The following RTL4 variants were observed in gnomAD, a reference collection of about 807,000 sequenced individuals.
RTL4 encodes the protein retrotransposon Gag like 4, also known as retrotransposon Gag-like protein 4.
A neutral mutation model predicts 5.3 loss-of-function variants in RTL4; 4 were observed. That is an observed-to-expected ratio of 0.75 (90% CI 0.37 to 1.72). RTL4 has a LOEUF of 1.72. RTL4 is among the 40% of genes most tolerant of loss of function. The pLI is 0.04. For missense variants in RTL4, 260 were observed against 227.1 expected (o/e 1.14, Z -0.93); for synonymous variants, 98 against 87.3 (o/e 1.12, Z -0.68).
chrX:112,404,566 G>A, the RTL4 span, among the ~76,000 whole-genome samples: 4 of 112,492 alleles, frequency 3.6e-5, no homozygotes, highest in Middle Eastern at 4.6e-3. Context: ...AAGCCAGCTA[G>A]AAGATTTGAA....
At chrX:112,430,803 C>T in the RTL4 span, among the ~76,000 whole-genome samples, 57 of 111,810 alleles carry the variant, frequency 5.1e-4, no homozygotes, top group African/African-American at 1.6e-3. Flanking sequence ...ATGTTGCCCA[C>T]GCTCTTCTAG....
the RTL4 span, among the ~76,000 whole-genome samples, chrX:112,333,857 T>C: frequency 1.8e-5 from 2 of 111,485 alleles, no homozygotes; most frequent in Non-Finnish European, 1.9e-5. Context: ...TTATTGGCTA[T>C]AGTCACTCTA....
the RTL4 span, among the ~76,000 whole-genome samples, chrX:112,175,995 A>C: frequency 9.0e-6 from 1 of 110,724 alleles, no homozygotes; most frequent in Admixed American, 9.6e-5. Flanking sequence ...GTCTCAGCCC[A>C]AAATCTCCTT....
chrX:112,182,696 T>G, the RTL4 span, among the ~76,000 whole-genome samples: 1 of 112,349 alleles, frequency 8.9e-6, no homozygotes, highest in South Asian at 3.7e-4. Context: ...ATTTGATTGG[T>G]ATACCTGAAA....
chrX:112,348,807 G>A, the RTL4 span, among the ~76,000 whole-genome samples: 1 of 110,176 alleles, frequency 9.1e-6, no homozygotes, highest in Non-Finnish European at 1.9e-5. Flanking sequence ...CAAAGTCAAT[G>A]TCCTGAATAA....
At chrX:112,233,842 T>C in the RTL4 span, among the ~76,000 whole-genome samples, 1 of 111,686 alleles carries the variant, frequency 9.0e-6, no homozygotes, top group Admixed American at 9.6e-5. Context: ...AAGTACCAAT[T>C]CCCTGTCTGT....
the RTL4 span, among the ~76,000 whole-genome samples, chrX:112,197,204 G>GA: frequency 0.055 from 5,495 of 99,571 alleles, 426 homozygotes; most frequent in African/African-American, 0.19. Flanking sequence ...GTTGTTATAT[G>GA]AAAAAAAAAA....
At chrX:112,205,193 T>C in the RTL4 span, among the ~76,000 whole-genome samples, 2 of 108,524 alleles carry the variant, frequency 1.8e-5, no homozygotes, top group Non-Finnish European at 3.8e-5. Context: ...ATACAATGGA[T>C]ACAATTTTAT....
the RTL4 span, among the ~76,000 whole-genome samples, chrX:112,171,049 T>C: frequency 1.2e-4 from 13 of 112,379 alleles, no homozygotes; most frequent in Admixed American, 3.8e-4. Flanking sequence ...TAATTACATT[T>C]ATTGATTTGC....
the RTL4 span, among the ~76,000 whole-genome samples, chrX:112,239,872 C>A: frequency 9.0e-6 from 1 of 111,655 alleles, no homozygotes; most frequent in Non-Finnish European, 1.9e-5. Context: ...TAAATAAGAT[C>A]CAGAATCTTA....
chrX:112,267,983 C>G, the RTL4 span, among the ~76,000 whole-genome samples: 1 of 111,477 alleles, frequency 9.0e-6, no homozygotes, highest in East Asian at 2.8e-4. Flanking sequence ...CTCCTACATT[C>G]TATTCTCCAC....
At chrX:112,168,158 C>T in the RTL4 span, among the ~76,000 whole-genome samples, 1 of 111,200 alleles carries the variant, frequency 9.0e-6, no homozygotes, top group Non-Finnish European at 1.9e-5. Context: ...CACCACTGCA[C>T]TTTGTGTGTC....
the RTL4 span, among the ~76,000 whole-genome samples, chrX:112,329,257 G>A: frequency 1.3e-3 from 148 of 110,445 alleles, no homozygotes; most frequent in South Asian, 3.5e-3. Context: ...TTGATAGACC[G>A]CTAGCAAGAC....
At chrX:112,099,314 A>G in the RTL4 span, among the ~76,000 whole-genome samples, 2 of 111,841 alleles carry the variant, frequency 1.8e-5, no homozygotes, top group Non-Finnish European at 1.9e-5. Context: ...CATTAGTGCT[A>G]TAGCAGTGGT....
chrX:112,104,759 A>G, the RTL4 span, among the ~76,000 whole-genome samples: 1 of 111,237 alleles, frequency 9.0e-6, no homozygotes, highest in African/African-American at 3.3e-5. Context: ...TTTTCTTACT[A>G]TTGAGTTGTT....
chrX:112,445,425 A>G, the RTL4 span, among the ~76,000 whole-genome samples: 1 of 112,252 alleles, frequency 8.9e-6, no homozygotes, highest in Admixed American at 9.5e-5. Context: ...TGGAAGTTTC[A>G]CATCTACTCT....
chrX:112,454,660 C>T, exon 1 of RTL4: 1 of 999,596 alleles, frequency 1.0e-6, no homozygotes, highest in Non-Finnish European at 1.4e-6. Context: ...AGAGCAAATC[C>T]ACTGTCTCCA....
At chrX:112,433,307 A>G in the RTL4 span, among the ~76,000 whole-genome samples, 2 of 99,774 alleles carry the variant, frequency 2.0e-5, no homozygotes, top group African/African-American at 3.8e-5. Flanking sequence ...CATTGAATCT[A>G]TAAATTACCT....
At chrX:112,434,768 T>C in the RTL4 span, among the ~76,000 whole-genome samples, 2 of 112,000 alleles carry the variant, frequency 1.8e-5, no homozygotes, top group African/African-American at 6.5e-5. Flanking sequence ...ATTGTTATCT[T>C]CTGGGCACTT....
Sources: allele counts gnomAD v4.1 joint callset (sites outside exome capture counted in the v4.1 genomes callset), GRCh38; gene constraint gnomAD v4.1.1; transcripts MANE v1.5; gene names NCBI Gene and HGNC (gene_info 2026-07-23, HGNC 2026-07-21).